The following IGSF8 variants were observed in gnomAD, a reference collection of about 807,000 sequenced individuals.
IGSF8 encodes CD81 partner 3.
IGSF8 carries 46 observed loss-of-function variants against 55.5 expected under a neutral mutation model. That is an observed-to-expected ratio of 0.83 (90% CI 0.65 to 1.06). IGSF8 has a LOEUF of 1.06. IGSF8 is among the 50% of genes least tolerant of loss of function. IGSF8 has a pLI of 0.00. For missense variants in IGSF8, 731 were observed against 832.3 expected, an observed-to-expected ratio of 0.88 and a Z score of 1.50; for synonymous variants, 314 against 356.1, an observed-to-expected ratio of 0.88 and a Z score of 1.33.
Position 160,093,650 on chromosome 1 carries a change from G to A in IGSF8, c.904+60C>T. 11 of 1,394,870 alleles carry A rather than the reference G, an allele frequency of 7.9e-6. No individual in the cohort carries two copies. The South Asian group carries it at 1.5e-4, about 19-fold the overall frequency. 86.4% of individuals were successfully genotyped at this position (1,394,870 alleles called of 1,614,324 possible). ...CTATCTGGTACCCCCTGTGGCCACAGTGCCCACCAGGATACTGTCCCTCCC... is the reference window on the plus strand; with the variant it reads ...CTATCTGGTACCCCCTGTGGCCACAATGCCCACCAGGATACTGTCCCTCCC... On this transcript the variant is annotated intron_variant, in intron 3 of 6. Transcript: ENST00000314485.
In IGSF8 at chr1:160,092,918, T is replaced by G; in HGVS notation, c.1312+6A>C. The stretch of plus-strand genomic sequence containing the variant: ...GAACCCCGTCCAGGGCCCAGCCCCC[T>G]CTCACCTTCCTCCCGCACATGTACA... On this transcript the variant is annotated splice_donor_region_variant and intron_variant, in intron 4 of 6. Transcript: ENST00000314485. The G allele has an allele frequency of 1.3e-6, 2 of 1,588,844 alleles. No homozygotes were observed. The highest frequency in any genetic ancestry group is 1.7e-6 in the Non-Finnish European group (2 of 1,160,974).
intron 6 of IGSF8, 22 bp downstream of exon 6, chr1:160,091,786 T>C (rs1649970392): frequency 6.8e-7 from 1 of 1,467,190 alleles, no homozygotes; most frequent in Non-Finnish European, 9.6e-7. Flanking sequence ...GAAAACAAGG[T>C]TGGGGGGTTC....
chr1:160,098,107 C>A (rs1650565137), intron 1 of IGSF8, among the ~76,000 whole-genome samples: 1 of 152,256 alleles, frequency 6.6e-6, no homozygotes, highest in South Asian at 2.1e-4. Flanking sequence ...GGTGCAGCGA[C>A]CCCAGTACGT....
At chr1:160,098,866 G>GGCCCCGCCCCGCCCC (rs1285907478), upstream of IGSF8, 1 of 51,954 alleles carries the variant, frequency 1.9e-5, no homozygotes, top group African/African-American at 1.0e-4. Flanking sequence ...GCCCCGCCCC[G>GGCCCCGCCCCGCCCC]GCCCCGCCCC....
Position 160,098,415 on chromosome 1 carries a change from T to G in IGSF8, c.58A>C (p.Met20Leu). The change falls in exon 1 of 7, where the codon ATG becomes CTG. Residue 20 changes from methionine to leucine, a missense_variant. By Grantham distance (15) the Met-to-Leu change is conservative. Transcript: ENST00000314485. ...PPSLPLLLLL[M>L]LGMGCWAREV... is the part of the protein sequence containing the mutation. ...GAACGGGGGCCTGGCTTACCTAGCATTAGCAGCAGCAGCAGCGGCAGCGAA... is the reference window on the plus strand; with the variant it reads ...GAACGGGGGCCTGGCTTACCTAGCAGTAGCAGCAGCAGCAGCGGCAGCGAA... 6.4e-7 allele frequency: 1 copy of G among 1,550,524 alleles called. No homozygotes were observed. Among genetic ancestry groups the G allele is most frequent in the Non-Finnish European group, 8.7e-7 (1 of 1,146,586 alleles).
At chr1:160,092,743 T>C (rs1178730320) in intron 4 of IGSF8, 48 bp from the exon 5 acceptor site, 1 of 1,582,876 alleles carries the variant, frequency 6.3e-7, no homozygotes, top group Non-Finnish European at 8.6e-7. Context: ...CCAGGGAGCA[T>C]GGGGTTAGGG....
Position 160,098,457 on chromosome 1 carries a change from G to A in IGSF8, c.16C>T (p.Pro6Ser). MGALR[P>S]TLLPPSLPLL... Reference sequence around the variant, plus strand: ...GGCAGCGAAGGCGGCAGCAGCGTGGGCCTGAGGGCGCCCATCCTGCGCGGC... The same window carrying A: ...GGCAGCGAAGGCGGCAGCAGCGTGGACCTGAGGGCGCCCATCCTGCGCGGC... The change falls in exon 1 of 7, where the codon CCC (proline) becomes TCC (serine). Residue 6 changes from proline to serine, a missense_variant. Transcript: ENST00000314485. 6.5e-7 allele frequency: 1 copy of A among 1,544,146 alleles called. No individual in the cohort carries two copies. Among genetic ancestry groups the A allele is most frequent in the East Asian group, 2.5e-5 (1 of 40,542 alleles).
Position 160,093,955 on chromosome 1 carries a change from A to G in IGSF8, c.659T>C (p.Val220Ala). The change falls in exon 3 of 7, where the codon GTG (valine) becomes GCG (alanine). Residue 220 changes from valine (V) to alanine (A), a missense_variant. Transcript: ENST00000314485. ...CACGGCCAAGTCTGACCGGATTCCC[A>G]CCACTTCCTGCAGAGTTGACCGCCC... ...PVGRSTLQEV[V>A]GIRSDLAVEA... 6.2e-7 allele frequency: 1 copy of G among 1,614,228 alleles called. No individual in the cohort carries two copies. The highest frequency in any genetic ancestry group is 8.5e-7 in the Non-Finnish European group (1 of 1,180,040).
Position 160,094,890 on chromosome 1 carries a change from T to C in IGSF8, c.421A>G (p.Ser141Gly). The change falls in exon 2 of 7, where the codon AGC (serine) becomes GGC (glycine). Residue 141 changes from serine (S) to glycine (G), a missense_variant. Physicochemically the swap from Ser to Gly is moderately conservative, Grantham distance 56 (BLOSUM62 0). Transcript: ENST00000314485. This position sits in a 1 kb window ranked among gnomAD's most constrained non-coding sequence, Gnocchi z 4.0. ...GTACCTCTCAGCTCCACCTTGCCGCTGTAGCTGCCCAGGTAGCGGGTATCA... is the reference window on the plus strand; with the variant it reads ...GTACCTCTCAGCTCCACCTTGCCGCCGTAGCTGCCCAGGTAGCGGGTATCA... ...STDTRYLGSY[S>G]GKVELRVLPD... The C allele has an allele frequency of 1.2e-6, 2 of 1,613,246 alleles. No individual in the cohort carries two copies. Among genetic ancestry groups the C allele is most frequent in the Non-Finnish European group, 8.5e-7 (1 of 1,179,446 alleles).
chr1:160,095,901 G>A (rs73023679), intron 1 of IGSF8, among the ~76,000 whole-genome samples: 7,753 of 152,340 alleles, frequency 0.051, 233 homozygotes, highest in Middle Eastern at 0.14. Context: ...TCCAGGCTCT[G>A]CCCTGGCCAT....
In IGSF8 at chr1:160,098,508, G is replaced by A; in HGVS notation, c.-36C>T. 1 of 1,501,394 alleles carries A rather than the reference G, an allele frequency of 6.7e-7. No individual in the cohort carries two copies. The highest frequency in any genetic ancestry group is 8.9e-7 in the Non-Finnish European group (1 of 1,122,214). The allele number at this position is 1,501,394 out of a possible 1,614,324, so 93.0% of individuals were successfully genotyped here. ...CAGCTCTGGGGAGGCTCCGGGGGAT[G>A]GCGCGGGTTCTGGGGGGCCGGAAGG... is the stretch of plus-strand genomic sequence containing the variant. On this transcript the variant is annotated 5_prime_UTR_variant, in exon 1 of 7. Transcript: ENST00000314485.
chr1:160,094,227 T>G lies in IGSF8; in HGVS notation c.443-56A>C. 2.6e-6 allele frequency: 3 copies of G among 1,147,584 alleles called. No individual in the cohort carries two copies. Among genetic ancestry groups the G allele is most frequent in the Non-Finnish European group, 3.7e-6 (3 of 806,542 alleles). The allele number at this position is 1,147,584 out of a possible 1,614,324, so 71.1% of individuals were successfully genotyped here. On this transcript the variant is annotated intron_variant, in intron 2 of 6. Transcript: ENST00000314485. This position sits in a 1 kb window ranked among gnomAD's most constrained non-coding sequence, Gnocchi z 4.0. ...TGGGAGCTGGCAGCCCTTGTTACTG[T>G]TTCCTGTGTATAGCCTATCTCCCTA...
chr1:160,097,685 C>T (rs1184738286), intron 1 of IGSF8: 14 of 985,286 alleles, frequency 1.4e-5, no homozygotes, highest in South Asian at 4.7e-5. Context: ...CAAGATTGGC[C>T]CAGAACACCC....
At position 160,093,251 on chromosome 1, in the gene IGSF8, A is replaced by G. The variant is rs1452635072; in HGVS notation, c.985T>C (p.Ser329Pro). 5.0e-6 allele frequency: 8 copies of G among 1,613,898 alleles called. No individual in the cohort carries two copies. The highest frequency in any genetic ancestry group is 6.8e-6 in the Non-Finnish European group (8 of 1,179,898). Residue 329 changes from serine (S) to proline (P), a missense_variant, in exon 4 of 7, where the codon TCA (serine) becomes CCA (proline). Coordinates refer to ENST00000314485, the MANE Select transcript of IGSF8 (RefSeq NM_052868.6). ...CGGCCTGCTGGGGGAAGTGCCCCTG[A>G]CACATTGCACAGCAGTTCCAAGGGC... ...GEPLELLCNV[S>P]GALPPAGRHA...
chr1:160,095,152 G>T lies in IGSF8; in HGVS notation c.159C>A (p.Gly53=), dbSNP rs749148496. The change falls in exon 2 of 7, where the codon GGC becomes GGA. Residue 53 remains glycine (G), a synonymous_variant. Coordinates refer to ENST00000314485, the MANE Select transcript of IGSF8 (RefSeq NM_052868.6). The part of the protein sequence containing the change: ...TAVSISCNVT[G]YEGPAQQNFE... The stretch of plus-strand genomic sequence containing the variant: ...AGTTCTGCTGGGCAGGGCCCTCATA[G>T]CCGGTCACATTGCAGGAGATGGAGA... 5.6e-6 allele frequency: 9 copies of T among 1,613,428 alleles called. No individual in the cohort carries two copies. The East Asian group carries it at 1.8e-4, about 32-fold the overall frequency.
intron 3 of IGSF8, 62 bp from the exon 4 acceptor site, chr1:160,093,393 T>C: frequency 6.8e-7 from 1 of 1,473,494 alleles, no homozygotes; most frequent in Non-Finnish European, 9.2e-7. Flanking sequence ...GGCACCCGAT[T>C]CCCCAACTTC....
At chr1:160,097,865 G>A in intron 1 of IGSF8, 1 of 985,474 alleles carries the variant, frequency 1.0e-6, no homozygotes, top group Non-Finnish European at 1.2e-6. Flanking sequence ...GGGCAAAGAG[G>A]GACCCAACCC....
rs762501924 is a variant in IGSF8, at chr1:160,094,883, T to C, written c.428A>G (p.Lys143Arg). 3 of 1,612,856 alleles carry C rather than the reference T, an allele frequency of 1.9e-6. No homozygotes were observed. Among genetic ancestry groups the C allele is most frequent in the Non-Finnish European group, 2.5e-6 (3 of 1,179,252 alleles). The change falls in exon 2 of 7, where the codon AAG becomes AGG. Residue 143 changes from lysine (K) to arginine (R), a missense_variant. Lys to Arg is a conservative substitution (Grantham distance 26, BLOSUM62 2). Transcript: ENST00000314485. The surrounding 1 kb of genome is among the most constrained non-coding windows in gnomAD (Gnocchi z 4.0). ...GGGCCCAGTACCTCTCAGCTCCACC[T>C]TGCCGCTGTAGCTGCCCAGGTAGCG... The part of the protein sequence containing the change: ...DTRYLGSYSG[K>R]VELRVLPDVL...
At position 160,092,382 on chromosome 1, in the gene IGSF8, G is replaced by C. The variant is rs1391474549; in HGVS notation, c.1626C>G (p.Tyr542Ter). The change falls in exon 5 of 7, where the codon TAC becomes TAG. Residue 542 changes from tyrosine (Y) to a stop codon, truncating the protein, a stop_gained. Transcript: ENST00000314485. LOFTEE classifies it high-confidence loss of function. ...GCACCCAGGCGCTGGGGGCACAGTG[G>C]TACACGCCTTCATCCTCGGGCCCCA... is the stretch of plus-strand genomic sequence containing the variant. ...HSLGPEDEGVYHCAPSAWVQH... is the reference protein window; with the variant it reads ...HSLGPEDEGV 1 of 1,612,212 alleles carries C rather than the reference G, an allele frequency of 6.2e-7. No individual in the cohort carries two copies. Among genetic ancestry groups the C allele is most frequent in the Non-Finnish European group, 8.5e-7 (1 of 1,178,542 alleles).
Sources: allele counts gnomAD v4.1 joint callset (sites outside exome capture counted in the v4.1 genomes callset), GRCh38; gene constraint gnomAD v4.1.1; non-coding constraint Gnocchi (gnomAD v3.1); transcripts MANE v1.5; gene names NCBI Gene and HGNC (gene_info 2026-07-23, HGNC 2026-07-21).